The following CLOCK variants were observed in gnomAD, a reference collection of about 807,000 sequenced individuals.
CLOCK encodes the protein clock circadian regulator.
A neutral mutation model predicts 118.4 loss-of-function variants in CLOCK; 43 were observed. The observed-to-expected ratio is 0.36, with a 90% CI of 0.28 to 0.47. CLOCK has a LOEUF of 0.47. Among genes scored for constraint, CLOCK ranks in the 20% least tolerant of loss-of-function variants. The pLI is 1.00. For synonymous variants in CLOCK, 326 were observed against 339.2 expected (o/e 0.96, Z 0.43); for missense variants, 846 against 999.9 (o/e 0.85, Z 2.08).
At chr4:55,469,106 G>C (rs576774250) in intron 8 of CLOCK, among the ~76,000 whole-genome samples, 1 of 151,602 alleles carries the variant, frequency 6.6e-6, no homozygotes, top group East Asian at 2.0e-4. Context: ...TACTTTTAAT[G>C]ATTTAGAGTA....
chr4:55,449,681 A>G (rs1724249295), intron 16 of CLOCK, among the ~76,000 whole-genome samples, 185 bp from the exon 17 acceptor site: 1 of 152,230 alleles, frequency 6.6e-6, no homozygotes, highest in Non-Finnish European at 1.5e-5. Context: ...GAGCACAAAG[A>G]AAATAGTTGA....
chr4:55,453,475 A>T (rs1377049147), intron 14 of CLOCK: 1 of 500,838 alleles, frequency 2.0e-6, no homozygotes, highest in African/African-American at 1.9e-5. Context: ...CACAAAATTT[A>T]TATCAAGACT....
At chr4:55,452,523 A>G (rs1724558447) in intron 15 of CLOCK, 3 of 155,058 alleles carry the variant, frequency 1.9e-5, no homozygotes, top group African/African-American at 7.2e-5. Context: ...GACTCACCAA[A>G]CTAGGAGATA....
At chr4:55,530,293 C>CTTA (rs1730454995) in intron 1 of CLOCK, among the ~76,000 whole-genome samples, 1 of 152,244 alleles carries the variant, frequency 6.6e-6, no homozygotes, top group African/African-American at 2.4e-5. Context: ...CATCAGACAT[C>CTTA]TTACCGTCTT....
chr4:55,490,122 T>C (rs1257903339), intron 2 of CLOCK, among the ~76,000 whole-genome samples: 1 of 150,654 alleles, frequency 6.6e-6, no homozygotes, highest in East Asian at 1.9e-4. Context: ...TCCAACTGCA[T>C]GTTGTCTCCA....
intron 1 of CLOCK, among the ~76,000 whole-genome samples, chr4:55,512,074 A>G (rs1048560304): frequency 3.9e-5 from 6 of 151,994 alleles, no homozygotes; most frequent in African/African-American, 2.4e-5. Flanking sequence ...ACTTCCATAT[A>G]AAGATTTTTG....
Position 55,449,251 on chromosome 4 carries a change from G to C in CLOCK, c.1449+145C>G, listed in dbSNP as rs879110095. 1.0e-5 allele frequency: 7 copies of C among 699,900 alleles called. No homozygotes were observed. In the South Asian group the frequency reaches 1.1e-4, roughly 11 times the overall value. 43.4% of individuals were successfully genotyped at this position (699,900 alleles called of 1,614,324 possible). A position where few individuals can be genotyped will look rare whatever the true frequency, so the allele number is the denominator to read the frequency against. ...ATGACAACCACTTCATACAAGAAAAGGAAGTCTTAAGTAAGTGTCACATAT... is the reference window on the plus strand; with the variant it reads ...ATGACAACCACTTCATACAAGAAAACGAAGTCTTAAGTAAGTGTCACATAT... On this transcript the variant is annotated intron_variant, in intron 17 of 22. Coordinates refer to ENST00000513440, the MANE Select transcript of CLOCK (RefSeq NM_004898.4).
At chr4:55,536,967 C>T (rs567851896) in intron 1 of CLOCK, among the ~76,000 whole-genome samples, 1 of 152,260 alleles carries the variant, frequency 6.6e-6, no homozygotes, top group African/African-American at 2.4e-5. Flanking sequence ...ACATGAAGAA[C>T]ACTTACAATG....
intron 9 of CLOCK, among the ~76,000 whole-genome samples, 174 bp from the exon 10 acceptor site, chr4:55,459,435 ACTTTGT>A (rs1192413072): frequency 6.6e-6 from 1 of 152,188 alleles, no homozygotes; most frequent in Non-Finnish European, 1.5e-5. Flanking sequence ...AGAGGATCTC[ACTTTGT>A]CTTTAATAGA....
chr4:55,519,702 C>T (rs1234250039), intron 1 of CLOCK, among the ~76,000 whole-genome samples: 2 of 151,916 alleles, frequency 1.3e-5, no homozygotes, highest in Admixed American at 6.6e-5. Flanking sequence ...CAATTGAACC[C>T]GGAAAGCGGA....
chr4:55,518,915 G>C (rs1396348641), intron 1 of CLOCK, among the ~76,000 whole-genome samples: 4 of 152,154 alleles, frequency 2.6e-5, no homozygotes, highest in African/African-American at 9.7e-5. Flanking sequence ...GATCATCAAT[G>C]AGTACCCTCA....
intron 21 of CLOCK, among the ~76,000 whole-genome samples, chr4:55,441,501 G>A (rs2109673998): frequency 6.6e-6 from 1 of 152,260 alleles, no homozygotes; most frequent in East Asian, 1.9e-4. Context: ...CAACCAATGA[G>A]TGGAGAAAGA....
chr4:55,494,665 G>T (rs1727937037), intron 2 of CLOCK, among the ~76,000 whole-genome samples: 2 of 152,048 alleles, frequency 1.3e-5, no homozygotes, highest in Non-Finnish European at 1.5e-5. Flanking sequence ...CACCACTAAA[G>T]AACTTATCCA....
intron 1 of CLOCK, among the ~76,000 whole-genome samples, chr4:55,523,669 T>C (rs1729984023): frequency 6.6e-6 from 1 of 152,144 alleles, no homozygotes; most frequent in Non-Finnish European, 1.5e-5. Context: ...TTCATATACA[T>C]CTCTAATACC....
At chr4:55,441,817 G>GT (rs1313900282) in intron 21 of CLOCK, among the ~76,000 whole-genome samples, 1 of 152,130 alleles carries the variant, frequency 6.6e-6, no homozygotes, top group African/African-American at 2.4e-5. Flanking sequence ...ATAGATGGTT[G>GT]TTTTTCCAGA....
In CLOCK at chr4:55,456,291, T is replaced by C; in HGVS notation, c.802A>G (p.Thr268Ala). Residue 268 changes from threonine to alanine, a missense_variant, in exon 12 of 23, where the codon ACT becomes GCT. Thr to Ala is a moderately conservative substitution (Grantham distance 58). Coordinates refer to ENST00000513440, the MANE Select transcript of CLOCK (RefSeq NM_004898.4). The stretch of plus-strand genomic sequence containing the variant: ...AACTCTTCATTGGGTTCTTCAACAG[T>C]GCACATTTCCTACAAATAAATAATT... ...ATPQFIKEMCTVEEPNEEFTS... is the reference protein window; with the variant it reads ...ATPQFIKEMCAVEEPNEEFTS... 6.3e-7 allele frequency: 1 copy of C among 1,579,134 alleles called. No homozygotes were observed. The highest frequency in any genetic ancestry group is 1.1e-5 in the South Asian group (1 of 88,620).
chr4:55,439,344 T>TA (rs1723157565), intron 21 of CLOCK, among the ~76,000 whole-genome samples: 1 of 152,178 alleles, frequency 6.6e-6, no homozygotes, highest in South Asian at 2.1e-4. Context: ...ATGGCTATTA[T>TA]AAAAAACAAA....
intron 3 of CLOCK, among the ~76,000 whole-genome samples, chr4:55,484,558 A>G (rs911670840): frequency 1.3e-5 from 2 of 152,186 alleles, no homozygotes; most frequent in African/African-American, 4.8e-5. Flanking sequence ...AGACATATTT[A>G]TCTTCATGGT....
rs1175263128 is a variant in CLOCK, at chr4:55,433,748, G to A, written c.*1667C>T. The A allele has an allele frequency of 6.6e-6, 1 of 151,966 alleles. No individual in the cohort carries two copies. Among genetic ancestry groups the A allele is most frequent in the Non-Finnish European group, 1.5e-5 (1 of 67,982 alleles). 9.4% of individuals were successfully genotyped at this position (151,966 alleles called of 1,614,324 possible). The stretch of plus-strand genomic sequence containing the variant: ...AAAATCTGTAAAATGTTTTTTAAAT[G>A]TATGTAACTTGTATTGGAATTTATT... On this transcript the variant is annotated 3_prime_UTR_variant, in exon 23 of 23. Transcript: ENST00000513440.
Sources: gnomAD v4.1 joint callset for allele counts (sites outside exome capture counted in the v4.1 genomes callset) on GRCh38, gnomAD v4.1.1 for gene constraint, MANE v1.5 for transcripts, NCBI Gene and HGNC (gene_info 2026-07-23, HGNC 2026-07-21) for gene names.